The following FRMPD1 variants were observed in gnomAD, a reference collection of about 807,000 sequenced individuals.
FRMPD1 encodes the protein FERM and PDZ domain-containing protein 1.
In FRMPD1, 76 loss-of-function variants were observed where a neutral mutation model predicts 117.8. The observed-to-expected ratio is 0.65, with a 90% CI of 0.54 to 0.78. The LOEUF (loss-of-function observed/expected upper bound fraction) is 0.78, where lower values mean the gene tolerates loss of function less well. Ranked by LOEUF, FRMPD1 falls within the 30% of genes least tolerant of loss-of-function variation. The pLI, the probability that FRMPD1 is intolerant of heterozygous loss-of-function variation, is 0.00. For missense variants in FRMPD1, 1,786 were observed against 1,964.5 expected, an observed-to-expected ratio of 0.91 and a Z score of 1.72; for synonymous variants, 783 against 770.4, an observed-to-expected ratio of 1.02 and a Z score of -0.27.
the FRMPD1 span, among the ~76,000 whole-genome samples, chr9:37,629,600 C>T: frequency 2.2e-4 from 33 of 152,234 alleles, no homozygotes; most frequent in Non-Finnish European, 4.0e-4. Flanking sequence ...ATACCTGATG[C>T]TTTCCTAAAA....
chr9:37,647,728 A>G (rs989075326), upstream of FRMPD1, among the ~76,000 whole-genome samples: 1 of 152,164 alleles, frequency 6.6e-6, no homozygotes, highest in Non-Finnish European at 1.5e-5. Context: ...TGCGTGCTTT[A>G]TTTGCTGTAT....
intron 2 of FRMPD1, 118 bp from the exon 3 acceptor site, chr9:37,707,298 G>A (rs1822743173): frequency 2.8e-6 from 2 of 720,646 alleles, no homozygotes; most frequent in Non-Finnish European, 2.3e-6. Flanking sequence ...TGTCTCAAGA[G>A]GAGAATTGGT....
chr9:37,739,177 A>G (rs1476576961), intron 14 of FRMPD1, among the ~76,000 whole-genome samples: 1 of 152,082 alleles, frequency 6.6e-6, no homozygotes, highest in Non-Finnish European at 1.5e-5. Flanking sequence ...CCATCCTGGG[A>G]GAGGGGGAAG....
At chr9:37,741,138 A>G (rs890722443) in intron 15 of FRMPD1, among the ~76,000 whole-genome samples, 7 of 152,138 alleles carry the variant, frequency 4.6e-5, no homozygotes, top group African/African-American at 1.7e-4. Flanking sequence ...AAGGCTTCCC[A>G]GAAGAGGGGG....
chr9:37,603,493 G>C, the FRMPD1 span, among the ~76,000 whole-genome samples: 2 of 152,128 alleles, frequency 1.3e-5, no homozygotes, highest in Non-Finnish European at 2.9e-5. Context: ...ACAATAGTTC[G>C]ACCGCTGTGT....
In FRMPD1 at chr9:37,667,062, C is replaced by CTTTTTTTTTTTTTTT. The variant is rs573955616; in HGVS notation, c.-5+15970_-5+15984dup. ...GGAAAAGAGAGACAATTGAAGCATG[C>CTTTTTTTTTTTTTTT]TTTTTTTTTTTTTTTTCCTGAGACA... On this transcript the variant is annotated intron_variant, in intron 1 of 15. Transcript: ENST00000377765. Among the ~76,000 whole-genome samples the CTTTTTTTTTTTTTTT allele has an allele frequency of 9.1e-3, 1,011 of 110,926 alleles. 99 individuals are homozygous for CTTTTTTTTTTTTTTT. Among genetic ancestry groups the CTTTTTTTTTTTTTTT allele is most frequent in the African/African-American group, 0.028 (705 of 25,254 alleles). 72.8% of individuals were successfully genotyped at this position (110,926 alleles called of 152,430 possible). A position where few individuals can be genotyped will look rare whatever the true frequency, so the allele number is the denominator to read the frequency against.
chr9:37,733,056 G>A (rs998308118), intron 10 of FRMPD1, among the ~76,000 whole-genome samples: 1 of 152,138 alleles, frequency 6.6e-6, no homozygotes, highest in Non-Finnish European at 1.5e-5. Flanking sequence ...CAATTTTCTG[G>A]GGGATTTTGA....
intron 2 of FRMPD1, among the ~76,000 whole-genome samples, chr9:37,703,607 A>T (rs753531893): frequency 6.6e-6 from 1 of 152,204 alleles, no homozygotes; most frequent in African/African-American, 2.4e-5. Flanking sequence ...GTATTCACAG[A>T]TCTGCAACTG....
intron 5 of FRMPD1, among the ~76,000 whole-genome samples, chr9:37,716,606 C>T (rs1823131049): frequency 6.6e-6 from 1 of 152,208 alleles, no homozygotes. Flanking sequence ...TGTTTTCTTC[C>T]TGCAGATTCC....
chr9:37,746,030 A>G lies in FRMPD1; in HGVS notation c.3998A>G (p.Gln1333Arg). The change falls in exon 16 of 16, where the codon CAG becomes CGG. Residue 1333 changes from glutamine to arginine, a missense_variant. Gln to Arg is a conservative substitution (Grantham distance 43, BLOSUM62 1). Transcript: ENST00000377765. ...GTGGCTCCCAGGATAGGGATGGACC[A>G]GTGCAGCTGTCAGTTCTCCTATGCC... The part of the protein sequence containing the change: ...EMVAPRIGMD[Q>R]CSCQFSYATC... 6.2e-7 allele frequency: 1 copy of G among 1,614,198 alleles called. No individual in the cohort carries two copies.
intron 1 of FRMPD1, among the ~76,000 whole-genome samples, chr9:37,683,161 T>A (rs76155273): frequency 1.3e-5 from 2 of 152,218 alleles, no homozygotes; most frequent in African/African-American, 4.8e-5. Context: ...GCCTTTTGTA[T>A]CTGGCTTCTT....
chr9:37,654,972 T>C (rs556511096), intron 1 of FRMPD1, among the ~76,000 whole-genome samples: 1 of 152,274 alleles, frequency 6.6e-6, no homozygotes, highest in Non-Finnish European at 1.5e-5. Context: ...CTTTAGGATC[T>C]CTTTCCCTCC....
chr9:37,670,886 C>G (rs909497416), intron 1 of FRMPD1, among the ~76,000 whole-genome samples: 1 of 152,158 alleles, frequency 6.6e-6, no homozygotes. Flanking sequence ...TTCTGGTGAT[C>G]GTTGGATTTT....
At chr9:37,729,177 G>A (rs919606348) in intron 7 of FRMPD1, among the ~76,000 whole-genome samples, 14 of 151,604 alleles carry the variant, frequency 9.2e-5, no homozygotes, top group Non-Finnish European at 2.1e-4. Flanking sequence ...GAGGTCAGGA[G>A]TTCAAGACCA....
chr9:37,706,655 A>T (rs1822715668), intron 2 of FRMPD1, among the ~76,000 whole-genome samples: 1 of 152,236 alleles, frequency 6.6e-6, no homozygotes, highest in Non-Finnish European at 1.5e-5. Context: ...TAAGGAACAT[A>T]CATGTTTTAA....
intron 2 of FRMPD1, among the ~76,000 whole-genome samples, chr9:37,699,903 G>GCGCA (rs953628104): frequency 1.4e-5 from 2 of 147,896 alleles, no homozygotes; most frequent in African/African-American, 4.9e-5. Context: ...ATGCATGCAC[G>GCGCA]CACACACACA....
chr9:37,605,807 TG>T, the FRMPD1 span, among the ~76,000 whole-genome samples: 1 of 152,034 alleles, frequency 6.6e-6, no homozygotes, highest in African/African-American at 2.4e-5. Flanking sequence ...CTCAAATTCT[TG>T]GGCTGAAGGG....
chr9:37,701,537 G>T (rs1234089989), intron 2 of FRMPD1, among the ~76,000 whole-genome samples: 1 of 135,008 alleles, frequency 7.4e-6, no homozygotes, highest in African/African-American at 2.6e-5. Flanking sequence ...GTGTGTGTGT[G>T]TGTGTTTTGG....
At chr9:37,739,585 G>A (rs746631069) in intron 14 of FRMPD1, among the ~76,000 whole-genome samples, 8 of 152,086 alleles carry the variant, frequency 5.3e-5, no homozygotes, top group South Asian at 2.1e-4. Flanking sequence ...CCTCGTACTC[G>A]TCATAAAATT....
Sources: allele counts gnomAD v4.1 joint callset (sites outside exome capture counted in the v4.1 genomes callset), GRCh38; gene constraint gnomAD v4.1.1; transcripts MANE v1.5; gene names NCBI Gene and HGNC (gene_info 2026-07-23, HGNC 2026-07-21).